The following KCNK2 variants were observed in gnomAD, a reference collection of about 807,000 sequenced individuals.
The protein encoded by KCNK2 is potassium channel subfamily K member 2.
In KCNK2, 21 loss-of-function variants were observed where a neutral mutation model predicts 40.5. The observed-to-expected ratio is 0.52, with a 90% CI of 0.37 to 0.75. KCNK2 has a LOEUF of 0.75. Among genes scored for constraint, KCNK2 ranks in the 30% least tolerant of loss-of-function variants. The pLI, the probability that KCNK2 is intolerant of heterozygous loss-of-function variation, is 0.00. For missense variants in KCNK2, 399 were observed against 531.6 expected (o/e 0.75, Z 2.45); for synonymous variants, 191 against 202.2 (o/e 0.94, Z 0.47).
At chr1:215,032,642 C>T (rs1657243975) in intron 1 of KCNK2, among the ~76,000 whole-genome samples, 1 of 152,012 alleles carries the variant, frequency 6.6e-6, no homozygotes, top group Non-Finnish European at 1.5e-5. Context: ...AGGATAATTT[C>T]CCAGCGTATG....
intron 1 of KCNK2, among the ~76,000 whole-genome samples, chr1:215,020,129 A>C (rs1656739848): frequency 6.6e-6 from 1 of 152,080 alleles, no homozygotes; most frequent in Non-Finnish European, 1.5e-5. Context: ...GTAATTCGTT[A>C]GGTTCCTTTC....
intron 1 of KCNK2, among the ~76,000 whole-genome samples, chr1:215,033,933 G>T (rs1657293530): frequency 6.6e-6 from 1 of 152,124 alleles, no homozygotes. Flanking sequence ...CCAATGACTG[G>T]ATCCCTTTGC....
chr1:215,138,401 A>G (rs925119732), intron 3 of KCNK2, among the ~76,000 whole-genome samples: 1 of 152,188 alleles, frequency 6.6e-6, no homozygotes, highest in Non-Finnish European at 1.5e-5. Context: ...TTTCAAGAAA[A>G]TGAAATCTAA....
intron 1 of KCNK2, among the ~76,000 whole-genome samples, chr1:215,016,425 A>C (rs1479153621): frequency 3.3e-5 from 5 of 152,196 alleles, no homozygotes; most frequent in Non-Finnish European, 5.9e-5. Context: ...CCAATGGAAC[A>C]GAATAGAAAG....
Position 215,169,278 on chromosome 1 carries a change from T to G in KCNK2, c.555T>G (p.Phe185Leu), listed in dbSNP as rs768295605. ...ATGCCTTACTGGGAATTCCCCTCTT[T>G]GGTTTTCTCTTGGCTGGAGTTGGAG... ...IIYALLGIPL[F>L]GFLLAGVGDQ... Residue 185 changes from phenylalanine to leucine, a missense_variant, in exon 4 of 7, where the codon TTT becomes TTG. Physicochemically the swap from Phe to Leu is conservative, Grantham distance 22 (BLOSUM62 0). Transcript: ENST00000444842. The G allele has an allele frequency of 6.2e-7, 1 of 1,613,384 alleles. No individual in the cohort carries two copies. The highest frequency in any genetic ancestry group is 8.5e-7 in the Non-Finnish European group (1 of 1,179,540).
chr1:215,060,338 C>T (rs1372465727), intron 1 of KCNK2, among the ~76,000 whole-genome samples: 3 of 152,124 alleles, frequency 2.0e-5, no homozygotes, highest in South Asian at 2.1e-4. Flanking sequence ...TAATGCACAA[C>T]GAAGGCGTGG....
intron 2 of KCNK2, among the ~76,000 whole-genome samples, chr1:215,124,066 T>C (rs557497962): frequency 6.6e-4 from 101 of 152,324 alleles, no homozygotes; most frequent in African/African-American, 2.3e-3. Flanking sequence ...TCTAAGAGTC[T>C]ACATCTACAT....
chr1:215,084,599 GT>G (rs1354496751), intron 1 of KCNK2, among the ~76,000 whole-genome samples: 1 of 152,114 alleles, frequency 6.6e-6, no homozygotes, highest in Admixed American at 6.6e-5. Flanking sequence ...CATTTTAACA[GT>G]TTTTTTTAAT....
At chr1:215,197,327 C>G (rs1239497328) in intron 6 of KCNK2, among the ~76,000 whole-genome samples, 1 of 152,090 alleles carries the variant, frequency 6.6e-6, no homozygotes, top group Admixed American at 6.5e-5. Context: ...CCTCACAATT[C>G]TGGAAGCTAG....
At chr1:215,108,640 T>G (rs531234266) in intron 2 of KCNK2, among the ~76,000 whole-genome samples, 168 of 145,064 alleles carry the variant, frequency 1.2e-3, no homozygotes, top group Non-Finnish European at 1.8e-3. Flanking sequence ...AGTTTTATAG[T>G]TTCAGGCCTT....
intron 6 of KCNK2, among the ~76,000 whole-genome samples, chr1:215,222,538 T>C (rs1187094788): frequency 6.6e-6 from 1 of 152,164 alleles, no homozygotes; most frequent in Admixed American, 6.6e-5. Flanking sequence ...TTTAAAAAGA[T>C]TAAGTACTCT....
chr1:215,097,758 T>A (rs1419350960), intron 2 of KCNK2, among the ~76,000 whole-genome samples: 1 of 151,962 alleles, frequency 6.6e-6, no homozygotes, highest in Non-Finnish European at 1.5e-5. Context: ...AAGTTTATAT[T>A]TCCTTGTGGT....
intron 2 of KCNK2, among the ~76,000 whole-genome samples, chr1:215,109,267 A>G (rs1660574782): frequency 6.6e-6 from 1 of 152,008 alleles, no homozygotes; most frequent in Non-Finnish European, 1.5e-5. Flanking sequence ...CAGTCATCCT[A>G]TTCTGCTGTC....
intron 2 of KCNK2, among the ~76,000 whole-genome samples, chr1:215,105,108 T>C (rs2102555426): frequency 6.6e-6 from 1 of 152,248 alleles, no homozygotes; most frequent in African/African-American, 2.4e-5. Context: ...AATTTACAAA[T>C]GTCTAATACA....
intron 1 of KCNK2, among the ~76,000 whole-genome samples, chr1:215,035,721 T>A (rs972295941): frequency 1.2e-4 from 19 of 152,096 alleles, no homozygotes; most frequent in Non-Finnish European, 2.9e-5. Context: ...AGTTTTTGTA[T>A]GAACATACGT....
At chr1:215,032,520 A>G (rs1657239897) in intron 1 of KCNK2, among the ~76,000 whole-genome samples, 1 of 152,060 alleles carries the variant, frequency 6.6e-6, no homozygotes, top group South Asian at 2.1e-4. Context: ...TCTGATCCAT[A>G]TCATTTCTCT....
intron 5 of KCNK2, among the ~76,000 whole-genome samples, chr1:215,190,539 C>T (rs1664624921): frequency 6.6e-6 from 1 of 152,014 alleles, no homozygotes; most frequent in African/African-American, 2.4e-5. Flanking sequence ...CTTGGGTGGC[C>T]TGACATATGT....
intron 3 of KCNK2, among the ~76,000 whole-genome samples, chr1:215,151,646 A>G (rs891382214): frequency 6.6e-6 from 1 of 152,052 alleles, no homozygotes; most frequent in African/African-American, 2.4e-5. Flanking sequence ...ATACCTCTTC[A>G]TTCCTCCAGG....
Position 215,175,464 on chromosome 1 carries a change from T to C in KCNK2, c.823+3281T>C, listed in dbSNP as rs577068063. ...TCTGCCTCTGATTTTTTTTTTGTTT[T>C]GTTAAGCACATATTTTGATTTTTTT... On this transcript the variant is annotated intron_variant, in intron 5 of 6. Coordinates refer to ENST00000444842, the MANE Select transcript of KCNK2 (RefSeq NM_001017425.3). Among the ~76,000 whole-genome samples, 5 of 152,274 alleles carry C rather than the reference T, an allele frequency of 3.3e-5. No homozygotes were observed. In the East Asian group the frequency reaches 9.6e-4, roughly 29 times the overall value.
Sources: allele counts gnomAD v4.1 joint callset (sites outside exome capture counted in the v4.1 genomes callset), GRCh38; gene constraint gnomAD v4.1.1; transcripts MANE v1.5; gene names NCBI Gene and HGNC (gene_info 2026-07-23, HGNC 2026-07-21).